The following CDH18 variants were observed in gnomAD, a reference collection of about 807,000 sequenced individuals.
The protein encoded by CDH18 is cadherin 18, also known as cadherin-18.
CDH18 carries 31 observed loss-of-function variants against 67.9 expected under a neutral mutation model. The observed-to-expected ratio is 0.46, with a 90% CI of 0.34 to 0.62. The LOEUF is 0.62. Ranked by LOEUF, CDH18 falls within the 20% of genes least tolerant of loss-of-function variation. The probability of loss-of-function intolerance (pLI) is 0.01; values close to 1 mark genes in which losing one functional copy is unlikely to be tolerated. For missense variants in CDH18, 890 were observed against 975.5 expected (o/e 0.91, Z 1.17); for synonymous variants, 362 against 347.2 (o/e 1.04, Z -0.48).
At chr5:19,949,160 A>G (rs1007161248) in intron 2 of CDH18, among the ~76,000 whole-genome samples, 15 of 152,174 alleles carry the variant, frequency 9.9e-5, no homozygotes, top group African/African-American at 3.6e-4. Context: ...GCAGAAAAAT[A>G]ACATTAAGTC....
intron 1 of CDH18, among the ~76,000 whole-genome samples, chr5:20,282,054 C>T (rs891477306): frequency 6.6e-6 from 1 of 152,058 alleles, no homozygotes; most frequent in African/African-American, 2.4e-5. Context: ...GATTTTTGCA[C>T]ATTGATTTTG....
chr5:19,486,889 CAT>C (rs1171496836), intron 11 of CDH18, among the ~76,000 whole-genome samples: 1 of 152,030 alleles, frequency 6.6e-6, no homozygotes, highest in Admixed American at 6.6e-5. Flanking sequence ...AAAGAGAAAA[CAT>C]AGCATGATAG....
intron 2 of CDH18, among the ~76,000 whole-genome samples, chr5:19,957,914 T>A (rs1034447894): frequency 1.3e-5 from 2 of 152,140 alleles, no homozygotes; most frequent in Non-Finnish European, 2.9e-5. Flanking sequence ...ACAAAATCTA[T>A]GTTGATAATT....
At chr5:20,140,441 A>G (rs1750151202) in intron 2 of CDH18, among the ~76,000 whole-genome samples, 1 of 152,192 alleles carries the variant, frequency 6.6e-6, no homozygotes, top group African/African-American at 2.4e-5. Context: ...CATTGTGCAC[A>G]TGTACCCTAG....
At chr5:19,495,180 G>A (rs1218156033) in intron 11 of CDH18, among the ~76,000 whole-genome samples, 1 of 152,138 alleles carries the variant, frequency 6.6e-6, no homozygotes, top group Non-Finnish European at 1.5e-5. Flanking sequence ...AGGTACATGA[G>A]ATGGGGTTCT....
At chr5:19,619,264 A>G (rs1475522039) in intron 5 of CDH18, among the ~76,000 whole-genome samples, 5 of 152,248 alleles carry the variant, frequency 3.3e-5, no homozygotes, top group Admixed American at 3.3e-4. Context: ...AAACACATAT[A>G]AGATACAACT....
At chr5:19,887,991 C>T (rs531843175) in intron 2 of CDH18, among the ~76,000 whole-genome samples, 4 of 152,108 alleles carry the variant, frequency 2.6e-5, no homozygotes, top group Non-Finnish European at 5.9e-5. Flanking sequence ...CATGGTGTGG[C>T]CACCACCTAT....
chr5:20,520,799 G>T (rs1188840427), intron 1 of CDH18, among the ~76,000 whole-genome samples: 2 of 152,014 alleles, frequency 1.3e-5, no homozygotes, highest in Non-Finnish European at 2.9e-5. Flanking sequence ...AAAATGTCAA[G>T]AAAAAAGTTG....
chr5:19,801,675 T>C (rs901577929), intron 3 of CDH18, among the ~76,000 whole-genome samples: 3 of 152,240 alleles, frequency 2.0e-5, no homozygotes, highest in South Asian at 4.1e-4. Context: ...GTTTTTAATA[T>C]ATCAGCCCAA....
chr5:19,784,605 T>C (rs1168139197), intron 3 of CDH18, among the ~76,000 whole-genome samples: 6 of 152,230 alleles, frequency 3.9e-5, no homozygotes, highest in Non-Finnish European at 8.8e-5. Context: ...AAGTACATTA[T>C]AGAACATGAG....
chr5:19,483,452 A>G lies in CDH18; in HGVS notation c.1731T>C (p.Ser577=), dbSNP rs755273608. The change falls in exon 12 of 13, where the codon TCT becomes TCC. Residue 577 remains serine, a synonymous_variant. Coordinates refer to ENST00000382275, the MANE Select transcript of CDH18 (RefSeq NM_004934.5). ...TGGTGAGGGTGCTGCTGCTGCTGAG[A>G]GAGGGGATTCCACCATCAGAGATCA... is the stretch of plus-strand genomic sequence containing the variant. ...PIMISDGGIP[S]LSSSSTLTIR... is the part of the protein sequence containing the mutation. The G allele has an allele frequency of 3.7e-6, 6 of 1,614,126 alleles. 1 individual carries two copies. The South Asian group carries it at 6.6e-5, about 18-fold the overall frequency.
chr5:20,205,418 C>A (rs914955101), intron 2 of CDH18, among the ~76,000 whole-genome samples: 1 of 151,832 alleles, frequency 6.6e-6, no homozygotes, highest in African/African-American at 2.4e-5. Flanking sequence ...AGATACACTG[C>A]AATATTATAG....
intron 2 of CDH18, among the ~76,000 whole-genome samples, chr5:20,165,870 T>C (rs960696992): frequency 2.0e-5 from 3 of 152,160 alleles, no homozygotes; most frequent in African/African-American, 7.2e-5. Flanking sequence ...AAAATAATTC[T>C]ATATATTAGC....
chr5:19,497,642 T>C (rs763862495), intron 11 of CDH18, among the ~76,000 whole-genome samples: 1 of 152,202 alleles, frequency 6.6e-6, no homozygotes, highest in Non-Finnish European at 1.5e-5. Flanking sequence ...AAAGCAGATT[T>C]AGATATTAAA....
At chr5:19,644,717 G>A (rs778934830) in intron 5 of CDH18, among the ~76,000 whole-genome samples, 1 of 152,142 alleles carries the variant, frequency 6.6e-6, no homozygotes. Context: ...GGCTTGGTAT[G>A]ACCCGTGAAG....
intron 3 of CDH18, among the ~76,000 whole-genome samples, chr5:19,835,840 G>T (rs1339794481): frequency 1.3e-5 from 2 of 152,078 alleles, no homozygotes; most frequent in Non-Finnish European, 1.5e-5. Flanking sequence ...CTGTGCATTT[G>T]TCCATCCATA....
At chr5:19,817,294 C>G (rs1178015833) in intron 3 of CDH18, among the ~76,000 whole-genome samples, 2 of 151,924 alleles carry the variant, frequency 1.3e-5, no homozygotes, top group Non-Finnish European at 2.9e-5. Context: ...ACTGCAACAT[C>G]TATGGAGGAG....
intron 5 of CDH18, among the ~76,000 whole-genome samples, chr5:19,671,372 A>AT (rs1410598566): frequency 6.6e-6 from 1 of 152,162 alleles, no homozygotes. Flanking sequence ...TTTTCCATAT[A>AT]TTTCACATAA....
intron 3 of CDH18, among the ~76,000 whole-genome samples, chr5:19,815,806 T>G (rs1310852652): frequency 7.2e-5 from 11 of 151,938 alleles, no homozygotes; most frequent in African/African-American, 2.7e-4. Flanking sequence ...GTTTCTCAGT[T>G]TTTTTATTTC....
Sources: gnomAD v4.1 joint callset for allele counts (sites outside exome capture counted in the v4.1 genomes callset) on GRCh38, gnomAD v4.1.1 for gene constraint, MANE v1.5 for transcripts, NCBI Gene and HGNC (gene_info 2026-07-23, HGNC 2026-07-21) for gene names.